Variants in NRG3 observed in about 807,000 individuals in gnomAD.
The protein encoded by NRG3 is neuregulin 3.
A neutral mutation model predicts 66.9 loss-of-function variants in NRG3; 31 were observed. That is an observed-to-expected ratio of 0.46 (90% CI 0.35 to 0.63). The LOEUF is 0.63. Among genes scored for constraint, NRG3 ranks in the 20% least tolerant of loss-of-function variants. The pLI is 0.00. For synonymous variants in NRG3, 393 were observed against 359.4 expected (o/e 1.09, Z -1.06); for missense variants, 910 against 878.9 (o/e 1.04, Z -0.45).
At chr10:81,878,148 G>A (rs956638732) in intron 1 of NRG3, 10 of 1,419,060 alleles carry the variant, frequency 7.0e-6, no homozygotes, top group Admixed American at 2.7e-5. Flanking sequence ...GGACGGGAAT[G>A]GCAGCCTGTT....
At chr10:82,547,901 GA>G (rs2044034044) in intron 2 of NRG3, among the ~76,000 whole-genome samples, 1 of 152,096 alleles carries the variant, frequency 6.6e-6, no homozygotes, top group African/African-American at 2.4e-5. Context: ...GTTGCACTTT[GA>G]GTGAACTTTT....
chr10:81,973,780 TA>T (rs1308891706), intron 1 of NRG3, among the ~76,000 whole-genome samples: 1 of 152,214 alleles, frequency 6.6e-6, no homozygotes, highest in African/African-American at 2.4e-5. Context: ...TAAATATGTT[TA>T]AGTTCCTTAC....
chr10:82,951,416 T>C (rs1592067901), intron 4 of NRG3, 53 bp from the exon 5 acceptor site: 1 of 1,385,380 alleles, frequency 7.2e-7, no homozygotes. Context: ...ATGAAGATAG[T>C]TGCTGATGCA....
chr10:81,998,169 TG>T lies in NRG3; in HGVS notation c.823+122008del, dbSNP rs550969445. On this transcript the variant is annotated intron_variant, in intron 1 of 8. Transcript: ENST00000372141. The stretch of plus-strand genomic sequence containing the variant: ...GTGTGATAAAGGGCGTAGTTTCCAT[TG>T]GCTGATTTTAAGAAGTAATACACAT... 4.4e-3 allele frequency among the ~76,000 whole-genome samples: 673 copies of T among 152,310 alleles called. 4 individuals carry two copies. Among genetic ancestry groups the T allele is most frequent in the African/African-American group, 0.015 (634 of 41,580 alleles).
chr10:81,900,518 G>A lies in NRG3; in HGVS notation c.823+24355G>A, dbSNP rs966159184. ...GTGTCATGTCCTGAGATTTAGATTCGCATATCAGCAAGGCTACTGCTAATG... is the reference window on the plus strand; with the variant it reads ...GTGTCATGTCCTGAGATTTAGATTCACATATCAGCAAGGCTACTGCTAATG... On this transcript the variant is annotated intron_variant, in intron 1 of 8. Coordinates refer to ENST00000372141, the MANE Select transcript of NRG3 (RefSeq NM_001010848.4). Among the ~76,000 whole-genome samples, 6 of 152,266 alleles carry A rather than the reference G, an allele frequency of 3.9e-5. No homozygotes were observed. In the East Asian group the frequency reaches 5.8e-4, roughly 15 times the overall value.
chr10:81,966,387 T>A (rs79803985), intron 1 of NRG3, among the ~76,000 whole-genome samples: 5,071 of 151,864 alleles, frequency 0.033, 108 homozygotes, highest in Non-Finnish European at 0.048. Context: ...TTTCACTGCC[T>A]TATCCTCTTG....
intron 2 of NRG3, among the ~76,000 whole-genome samples, chr10:82,439,367 A>G (rs1429375527): frequency 1.4e-5 from 2 of 142,690 alleles, no homozygotes; most frequent in Non-Finnish European, 3.0e-5. Flanking sequence ...AATAAATTTT[A>G]TACTTTAAAA....
At position 82,625,301 on chromosome 10, in the gene NRG3, GA is replaced by G. The variant is rs756109285; in HGVS notation, c.954-113267del. Among the ~76,000 whole-genome samples the G allele has an allele frequency of 5.1e-3, 759 of 147,776 alleles. 3 individuals are homozygous for G. Among genetic ancestry groups the G allele is most frequent in the African/African-American group, 0.01 (411 of 40,508 alleles). ...TCCTACACTGCTTTTAGTTAGAAAA[GA>G]AAAAAAAATGATCACAAATCACTGG... On this transcript the variant is annotated intron_variant, in intron 2 of 8. Coordinates refer to ENST00000372141, the MANE Select transcript of NRG3 (RefSeq NM_001010848.4).
intron 1 of NRG3, among the ~76,000 whole-genome samples, chr10:82,325,329 G>A (rs1054286616): frequency 6.6e-6 from 1 of 151,970 alleles, no homozygotes; most frequent in Non-Finnish European, 1.5e-5. Context: ...CTGCAGGCAT[G>A]TGCTACTGTG....
At chr10:82,565,871 G>T (rs551379248) in intron 2 of NRG3, among the ~76,000 whole-genome samples, 8 of 152,152 alleles carry the variant, frequency 5.3e-5, no homozygotes, top group African/African-American at 1.9e-4. Flanking sequence ...ACAGAAAAAT[G>T]AAAACAAAAC....
chr10:82,641,301 T>A (rs968897259), intron 2 of NRG3, among the ~76,000 whole-genome samples: 2 of 152,202 alleles, frequency 1.3e-5, no homozygotes, highest in African/African-American at 4.8e-5. Flanking sequence ...AGCTTATATT[T>A]GTGATCTGTG....
chr10:82,285,561 G>A (rs965615008), intron 1 of NRG3, among the ~76,000 whole-genome samples: 1 of 152,146 alleles, frequency 6.6e-6, no homozygotes, highest in Non-Finnish European at 1.5e-5. Flanking sequence ...GGAAGGGATA[G>A]GTATTATTTA....
intron 2 of NRG3, among the ~76,000 whole-genome samples, chr10:82,701,285 C>T (rs753925640): frequency 3.9e-5 from 6 of 152,106 alleles, no homozygotes; most frequent in South Asian, 2.1e-4. Context: ...ATGCATACCT[C>T]GTCTTTCTCA....
intron 2 of NRG3, among the ~76,000 whole-genome samples, chr10:82,433,027 A>C (rs2089924063): frequency 6.6e-6 from 1 of 152,232 alleles, no homozygotes. Flanking sequence ...TAGATCGTTG[A>C]GGAATCACCA....
chr10:82,886,458 G>A (rs2136094087), intron 4 of NRG3, among the ~76,000 whole-genome samples: 1 of 152,202 alleles, frequency 6.6e-6, no homozygotes, highest in Non-Finnish European at 1.5e-5. Context: ...GATACGTTTT[G>A]CAGCTTTTTT....
chr10:82,189,051 A>C (rs924246644), intron 1 of NRG3, among the ~76,000 whole-genome samples: 1 of 152,198 alleles, frequency 6.6e-6, no homozygotes. Flanking sequence ...CTGGATATTC[A>C]CATAATGAAA....
chr10:82,747,643 TA>T (rs569512860), intron 3 of NRG3, among the ~76,000 whole-genome samples: 303 of 152,196 alleles, frequency 2.0e-3, no homozygotes, highest in Middle Eastern at 3.4e-3. Context: ...TATGAATTTT[TA>T]ATTATTTTTC....
intron 2 of NRG3, among the ~76,000 whole-genome samples, chr10:82,638,913 G>C (rs1434713355): frequency 1.3e-5 from 2 of 152,098 alleles, no homozygotes; most frequent in Non-Finnish European, 2.9e-5. Flanking sequence ...CCAAAGTGCT[G>C]GGATTACAAG....
chr10:82,734,861 T>TA (rs1229712804), intron 2 of NRG3, among the ~76,000 whole-genome samples: 6 of 151,020 alleles, frequency 4.0e-5, no homozygotes, highest in South Asian at 2.1e-4. Context: ...TACAAAAAAT[T>TA]AAAAAAAATA....
Sources: allele counts gnomAD v4.1 joint callset (sites outside exome capture counted in the v4.1 genomes callset), GRCh38; gene constraint gnomAD v4.1.1; transcripts MANE v1.5; gene names NCBI Gene and HGNC (gene_info 2026-07-23, HGNC 2026-07-21).